PCDH15: variants seen among roughly 807,000 people sequenced by gnomAD.
PCDH15 encodes protocadherin-15.
PCDH15 carries 129 observed loss-of-function variants against 178.5 expected under a neutral mutation model. That is an observed-to-expected ratio of 0.72 (90% CI 0.63 to 0.84). PCDH15 has a LOEUF of 0.84. PCDH15 is among the 40% of genes least tolerant of loss of function. PCDH15 has a pLI of 0.00. For synonymous variants in PCDH15, 800 were observed against 732.0 expected (o/e 1.09, Z -1.50); for missense variants, 2,230 against 2,099.9 (o/e 1.06, Z -1.21).
chr10:54,956,887 C>T (rs1272918552), intron 2 of PCDH15, among the ~76,000 whole-genome samples: 1 of 151,596 alleles, frequency 6.6e-6, no homozygotes, highest in African/African-American at 2.4e-5. Context: ...ACTGACATAT[C>T]ATTGAATATG....
At chr10:54,838,133 C>T in intron 3 of PCDH15, among the ~76,000 whole-genome samples, 1 of 152,030 alleles carries the variant, frequency 6.6e-6, no homozygotes, top group African/African-American at 2.4e-5. Flanking sequence ...GGTCCTGTAA[C>T]CCAGTTCCAG....
chr10:54,257,271 A>G (rs746657793), intron 8 of PCDH15, among the ~76,000 whole-genome samples: 8 of 152,172 alleles, frequency 5.3e-5, no homozygotes, highest in Admixed American at 6.6e-5. Flanking sequence ...CTGAGAGGAC[A>G]GAGGGTTGCG....
intron 14 of PCDH15, among the ~76,000 whole-genome samples, chr10:54,140,174 TA>T (rs137907253): frequency 0.015 from 2,349 of 152,284 alleles, 75 homozygotes; most frequent in African/African-American, 0.054. Flanking sequence ...TAAATTATTG[TA>T]AAGAAATACA....
intron 15 of PCDH15, among the ~76,000 whole-genome samples, chr10:54,098,802 C>A (rs1185909613): frequency 6.6e-6 from 1 of 152,086 alleles, no homozygotes; most frequent in Non-Finnish European, 1.5e-5. Flanking sequence ...TGTGGAAAGA[C>A]AATTGGCTTT....
chr10:54,825,619 G>A (rs1284015979), intron 3 of PCDH15, among the ~76,000 whole-genome samples: 1 of 150,596 alleles, frequency 6.6e-6, no homozygotes, highest in Non-Finnish European at 1.5e-5. Context: ...TTTCTCTGAT[G>A]GCCAGTGATG....
At chr10:54,688,574 T>G (rs550693571) in intron 1 of PCDH15, among the ~76,000 whole-genome samples, 1 of 152,226 alleles carries the variant, frequency 6.6e-6, no homozygotes, top group South Asian at 2.1e-4. Flanking sequence ...GGATTAATAT[T>G]GAAAATATCA....
At chr10:54,772,298 TTGTAA>T in intron 1 of PCDH15, among the ~76,000 whole-genome samples, 2 of 152,340 alleles carry the variant, frequency 1.3e-5, no homozygotes, top group South Asian at 4.1e-4. Context: ...ATTTTCCTAC[TTGTAA>T]TGTTCATGTT....
chr10:54,112,693 A>G (rs1455850969), intron 15 of PCDH15, among the ~76,000 whole-genome samples: 1 of 152,170 alleles, frequency 6.6e-6, no homozygotes, highest in East Asian at 1.9e-4. Context: ...ATCATTTCCC[A>G]TGTCTCTCAA....
At chr10:54,735,854 T>A (rs1944039605) in intron 1 of PCDH15, among the ~76,000 whole-genome samples, 1 of 102,456 alleles carries the variant, frequency 9.8e-6, no homozygotes, top group Middle Eastern at 5.3e-3. Context: ...TATCACACTC[T>A]GGGGACTGTT....
chr10:54,247,639 C>G (rs1468982418), intron 8 of PCDH15, among the ~76,000 whole-genome samples: 1 of 151,736 alleles, frequency 6.6e-6, no homozygotes, highest in East Asian at 1.9e-4. Context: ...ATTGAGATGG[C>G]CTTTTGGGGT....
At chr10:54,675,407 G>C (rs2094765072) in intron 1 of PCDH15, among the ~76,000 whole-genome samples, 1 of 149,424 alleles carries the variant, frequency 6.7e-6, no homozygotes, top group African/African-American at 2.5e-5. Context: ...TATTTTATAA[G>C]TGAAAGACAT....
intron 15 of PCDH15, among the ~76,000 whole-genome samples, chr10:54,117,637 G>A (rs774064282): frequency 9.9e-5 from 15 of 152,160 alleles, no homozygotes; most frequent in Non-Finnish European, 1.6e-4. Flanking sequence ...GAGTTTCACT[G>A]AGTGGCAGAA....
chr10:53,914,693 AC>A (rs1277519035), intron 25 of PCDH15, among the ~76,000 whole-genome samples: 1 of 152,152 alleles, frequency 6.6e-6, no homozygotes, highest in East Asian at 1.9e-4. Flanking sequence ...CAGCAAACCA[AC>A]ATGGCACATG....
At chr10:54,162,131 T>C (rs1326456916) in intron 13 of PCDH15, among the ~76,000 whole-genome samples, 1 of 152,184 alleles carries the variant, frequency 6.6e-6, no homozygotes, top group Non-Finnish European at 1.5e-5. Context: ...CATTATAGAA[T>C]GCCCTTCAGG....
chr10:55,556,243 T>C (rs1192519219), intron 2 of PCDH15, among the ~76,000 whole-genome samples: 1 of 152,134 alleles, frequency 6.6e-6, no homozygotes, highest in Non-Finnish European at 1.5e-5. Context: ...TGATAAGACA[T>C]GTAATAATGA....
rs150233982 is a variant in PCDH15, at chr10:55,114,637, A to C, written c.-80+51939T>G. The stretch of plus-strand genomic sequence containing the variant: ...AGCAACTTTCAGTTTAGCTCCTTCA[A>C]ATCCACACTGTGATGTCTTCTTTGT... On this transcript the variant is annotated intron_variant, in intron 2 of 5. Transcript: ENST00000458638. 2.8e-3 allele frequency among the ~76,000 whole-genome samples: 434 copies of C among 152,298 alleles called. 1 individual carries two copies. The highest frequency in any genetic ancestry group is 0.01 in the African/African-American group (421 of 41,568).
chr10:54,138,742 T>C (rs545713625), intron 14 of PCDH15, among the ~76,000 whole-genome samples: 9 of 152,156 alleles, frequency 5.9e-5, no homozygotes, highest in Non-Finnish European at 1.3e-4. Flanking sequence ...AAATTTTGAT[T>C]CACAGCCTTC....
At chr10:53,900,244 T>G (rs74738481) in intron 26 of PCDH15, among the ~76,000 whole-genome samples, 1 of 150,978 alleles carries the variant, frequency 6.6e-6, no homozygotes, top group Non-Finnish European at 1.5e-5. Context: ...CCCCCCTCTC[T>G]CTGTCTGTCT....
intron 17 of PCDH15, among the ~76,000 whole-genome samples, chr10:54,075,764 T>C (rs910197431): frequency 6.6e-6 from 1 of 152,166 alleles, no homozygotes; most frequent in Non-Finnish European, 1.5e-5. Flanking sequence ...ACCAATTAAG[T>C]GAAAGTTTAT....
Sources: gnomAD v4.1 joint callset for allele counts (sites outside exome capture counted in the v4.1 genomes callset) on GRCh38, gnomAD v4.1.1 for gene constraint, MANE v1.5 for transcripts, NCBI Gene and HGNC (gene_info 2026-07-23, HGNC 2026-07-21) for gene names.